The following MFSD6L variants were observed in gnomAD, a reference collection of about 807,000 sequenced individuals.
MFSD6L encodes major facilitator superfamily domain-containing protein 6-like.
In MFSD6L, 9 loss-of-function variants were observed where a neutral mutation model predicts 6.4. The observed-to-expected ratio is 1.42, with a 90% CI of 0.85 to 2.47. The LOEUF (loss-of-function observed/expected upper bound fraction) is 2.47. MFSD6L is among the 30% of genes most tolerant of loss of function. MFSD6L has a pLI of 0.00. For missense variants in MFSD6L, 747 were observed against 730.6 expected, an observed-to-expected ratio of 1.02 and a Z score of -0.26; for synonymous variants, 336 against 322.4, an observed-to-expected ratio of 1.04 and a Z score of -0.45.
At position 8,797,749 on chromosome 17, in the gene MFSD6L, G is replaced by C; in HGVS notation, c.1372C>G (p.Leu458Val). ...YSFLWSWWSV[L>V]PIQILSAISN... is the part of the protein sequence containing the mutation. The stretch of plus-strand genomic sequence containing the variant: ...ATGGCACTCAAGATCTGAATGGGGA[G>C]GACGGACCACCAGCTCCAGAGGAAA... Residue 458 changes from leucine to valine, a missense_variant, in exon 1 of 1, where the codon CTC (leucine) becomes GTC (valine). Leu to Val is a conservative substitution (Grantham distance 32). Coordinates refer to ENST00000329805, the MANE Select transcript of MFSD6L (RefSeq NM_152599.4). The C allele has an allele frequency of 6.2e-7, 1 of 1,614,066 alleles. No homozygotes were observed. The highest frequency in any genetic ancestry group is 8.5e-7 in the Non-Finnish European group (1 of 1,180,040).
chr17:8,797,858 T>C lies in MFSD6L; in HGVS notation c.1263A>G (p.Lys421=), dbSNP rs761930354. ...LLGEILLHPF[K]ATLLRKLSRT... Reference sequence around the variant, plus strand: ...TGGACAGTTTCCTAAGCAATGTAGCTTTGAACGGATGAAGCAGAATTTCCC... The same window carrying C: ...TGGACAGTTTCCTAAGCAATGTAGCCTTGAACGGATGAAGCAGAATTTCCC... Residue 421 remains lysine (K), a synonymous_variant, in exon 1 of 1, where the codon AAA becomes AAG. Coordinates refer to ENST00000329805, the MANE Select transcript of MFSD6L (RefSeq NM_152599.4). 1.2e-6 allele frequency: 2 copies of C among 1,613,866 alleles called. No individual in the cohort carries two copies. The highest frequency in any genetic ancestry group is 1.1e-5 in the South Asian group (1 of 91,062).
Position 8,798,108 on chromosome 17 carries a change from C to G in MFSD6L, c.1013G>C (p.Ser338Thr). The G allele has an allele frequency of 1.2e-6, 2 of 1,614,060 alleles. No individual in the cohort carries two copies. The highest frequency in any genetic ancestry group is 1.7e-6 in the Non-Finnish European group (2 of 1,180,018). The change falls in exon 1 of 1, where the codon AGC becomes ACC. Residue 338 changes from serine (S) to threonine (T), a missense_variant. Ser to Thr is a moderately conservative substitution (Grantham distance 58). Transcript: ENST00000329805. ...ACAGATGGGAATGGGAAAGGCAATGCTCACCAGTAAGGCCAGGGTGCTGAC... is the reference window on the plus strand; with the variant it reads ...ACAGATGGGAATGGGAAAGGCAATGGTCACCAGTAAGGCCAGGGTGCTGAC... The part of the protein sequence containing the change: ...SVVSTLALLV[S>T]IAFPIPICQQ...
Position 8,797,278 on chromosome 17 carries a change from G to T in MFSD6L, c.*82C>A. On this transcript the variant is annotated 3_prime_UTR_variant, in exon 1 of 1. Transcript: ENST00000329805. The stretch of plus-strand genomic sequence containing the variant: ...CCCCGGCTCCCAGCAGTCCAGGGCA[G>T]GTTTCTGTCCTCAGCAGGCTGAGTT... 1 of 1,387,630 alleles carries T rather than the reference G, an allele frequency of 7.2e-7. No individual in the cohort carries two copies. The highest frequency in any genetic ancestry group is 1.5e-5 in the South Asian group (1 of 67,976). The allele number at this position is 1,387,630 out of a possible 1,614,324, so 86.0% of individuals were successfully genotyped here.
At position 8,798,928 on chromosome 17, in the gene MFSD6L, C is replaced by G. The variant is rs2151155706; in HGVS notation, c.193G>C (p.Val65Leu). 1 of 1,613,824 alleles carries G rather than the reference C, an allele frequency of 6.2e-7. No individual in the cohort carries two copies. ...TAGCTTTTGGCCAGGAAGGCACAGACGGGAGCCCAGAAGGCAGCGATTAGG... is the reference window on the plus strand; with the variant it reads ...TAGCTTTTGGCCAGGAAGGCACAGAGGGGAGCCCAGAAGGCAGCGATTAGG... ...KHLIAAFWAP[V>L]CAFLAKSYRK... is the part of the protein sequence containing the mutation. The change falls in exon 1 of 1, where the codon GTC becomes CTC. Residue 65 changes from valine (V) to leucine (L), a missense_variant. Transcript: ENST00000329805.
chr17:8,798,786 C>A lies in MFSD6L; in HGVS notation c.335G>T (p.Ser112Ile). 1 of 1,614,130 alleles carries A rather than the reference C, an allele frequency of 6.2e-7. No individual in the cohort carries two copies. The highest frequency in any genetic ancestry group is 8.5e-7 in the Non-Finnish European group (1 of 1,180,034). Reference sequence around the variant, plus strand: ...TGCGTCTGTGCTGGTCAGGCCGCTGCTTCCATTACAAGGGAAGTGCACCCG... The same window carrying A: ...TGCGTCTGTGCTGGTCAGGCCGCTGATTCCATTACAAGGGAAGTGCACCCG... The part of the protein sequence containing the change: ...KNRVHFPCNG[S>I]SGLTSTDALP... The change falls in exon 1 of 1, where the codon AGC becomes ATC. Residue 112 changes from serine to isoleucine, a missense_variant. Ser to Ile is a moderately radical substitution (Grantham distance 142). Transcript: ENST00000329805.
At position 8,799,147 on chromosome 17, in the gene MFSD6L, C is replaced by A. The variant is rs2087025087; in HGVS notation, c.-27G>T. 5.9e-6 allele frequency: 9 copies of A among 1,515,850 alleles called. No individual in the cohort carries two copies. The South Asian group carries it at 6.6e-5, about 11-fold the overall frequency. 93.9% of individuals were successfully genotyped at this position (1,515,850 alleles called of 1,614,324 possible). A position where few individuals can be genotyped will look rare whatever the true frequency, so the allele number is the denominator to read the frequency against. Reference sequence around the variant, plus strand: ...GCTGCCGGGCTCTGTCAGGCCTGGGCCGACGGAGGGCGGAGCTGGGCGCAG... The same window carrying A: ...GCTGCCGGGCTCTGTCAGGCCTGGGACGACGGAGGGCGGAGCTGGGCGCAG... On this transcript the variant is annotated 5_prime_UTR_variant, in exon 1 of 1. Transcript: ENST00000329805. This position sits in a 1 kb window ranked among gnomAD's most constrained non-coding sequence, Gnocchi z 5.3.
In MFSD6L at chr17:8,799,180, G is replaced by A. The variant is rs1837260475; in HGVS notation, c.-60C>T. ...GGGCGGAGCTGGGCGCAGGGCGGGC[G>A]CGGCCCCAGGTACCCGGGAGGGAGG... On this transcript the variant is annotated 5_prime_UTR_variant, in exon 1 of 1. Coordinates refer to ENST00000329805, the MANE Select transcript of MFSD6L (RefSeq NM_152599.4). The surrounding 1 kb of genome is among the most constrained non-coding windows in gnomAD (Gnocchi z 5.3). 2 of 1,442,618 alleles carry A rather than the reference G, an allele frequency of 1.4e-6. No homozygotes were observed. Among genetic ancestry groups the A allele is most frequent in the Non-Finnish European group, 9.2e-7 (1 of 1,088,478 alleles). 89.4% of individuals were successfully genotyped at this position (1,442,618 alleles called of 1,614,324 possible).
Position 8,797,917 on chromosome 17 carries a change from C to G in MFSD6L, c.1204G>C (p.Val402Leu). 2 of 1,614,038 alleles carry G rather than the reference C, an allele frequency of 1.2e-6. No homozygotes were observed. The highest frequency in any genetic ancestry group is 1.7e-6 in the Non-Finnish European group (2 of 1,180,028). ...CTGAGGGCGACCGAGAAACCCATGA[C>G]CAGCTCGCCGCTCCCATGGTCCTTC... is the stretch of plus-strand genomic sequence containing the variant. ...HMKDHGSGEL[V>L]MGFSVALSLL... is the part of the protein sequence containing the mutation. Residue 402 changes from valine to leucine, a missense_variant, in exon 1 of 1, where the codon GTC becomes CTC. By Grantham distance (32) the Val-to-Leu change is conservative. Coordinates refer to ENST00000329805, the MANE Select transcript of MFSD6L (RefSeq NM_152599.4).
At position 8,798,545 on chromosome 17, in the gene MFSD6L, C is replaced by T. The variant is rs767676206; in HGVS notation, c.576G>A (p.Ser192=). 3 of 1,613,938 alleles carry T rather than the reference C, an allele frequency of 1.9e-6. No individual in the cohort carries two copies. The highest frequency in any genetic ancestry group is 2.5e-6 in the Non-Finnish European group (3 of 1,179,860). ...CTTCCCAGGGATGATCTTTCAGCCC[C>T]GAAGTGACAGGATGGAGGAGAGCTT... The part of the protein sequence containing the change: ...TSQALLHPVT[S]GLKDHPWEVT... Residue 192 remains serine, a synonymous_variant, in exon 1 of 1, where the codon TCG becomes TCA. Transcript: ENST00000329805.
chr17:8,798,525 C>T lies in MFSD6L; in HGVS notation c.596G>A (p.Trp199Ter), dbSNP rs2151155538. 6.2e-7 allele frequency: 1 copy of T among 1,613,478 alleles called. No homozygotes were observed. Among genetic ancestry groups the T allele is most frequent in the Non-Finnish European group, 8.5e-7 (1 of 1,179,558 alleles). ...CTTGACCACCTCAAAAGTAACTTCC[C>T]AGGGATGATCTTTCAGCCCCGAAGT... The part of the protein sequence containing the change: ...PVTSGLKDHP[W>*]EVTFEVVKTA... The change falls in exon 1 of 1, where the codon TGG (tryptophan) becomes TAG (stop). Residue 199 changes from tryptophan to a stop codon, truncating the protein, a stop_gained. Transcript: ENST00000329805. LOFTEE classifies it low-confidence loss of function (END_TRUNC).
In MFSD6L at chr17:8,798,449, A is replaced by C. The variant is rs372349720; in HGVS notation, c.672T>G (p.Asn224Lys). 3 of 1,606,810 alleles carry C rather than the reference A, an allele frequency of 1.9e-6. No individual in the cohort carries two copies. In the African/African-American group the frequency reaches 4.0e-5, roughly 22 times the overall value. ...PGGKGPGNPA[N>K]LSGTKGKAWA... ...AGGCTTTCCCCTTGGTCCCTGACAAATTGGCTGGATTCCCGGGCCCTTTCC... is the reference window on the plus strand; with the variant it reads ...AGGCTTTCCCCTTGGTCCCTGACAACTTGGCTGGATTCCCGGGCCCTTTCC... The change falls in exon 1 of 1, where the codon AAT (asparagine) becomes AAG (lysine). Residue 224 changes from asparagine (N) to lysine (K), a missense_variant. Physicochemically the swap from Asn to Lys is moderately conservative, Grantham distance 94 (BLOSUM62 0). Transcript: ENST00000329805.
At position 8,798,032 on chromosome 17, in the gene MFSD6L, C is replaced by G. The variant is rs749515305; in HGVS notation, c.1089G>C (p.Gly363=). 6.2e-7 allele frequency: 1 copy of G among 1,614,080 alleles called. No individual in the cohort carries two copies. The highest frequency in any genetic ancestry group is 8.5e-7 in the Non-Finnish European group (1 of 1,180,032). ...CGAGGAGAATGAGGTGGGGGTCACC[C>G]CCCACAATGGACAGTGCTTTGACCC... ...YKRVKALSIV[G]GDPHLILLAS... Residue 363 remains glycine, a synonymous_variant, in exon 1 of 1, where the codon GGG becomes GGC. Transcript: ENST00000329805.
rs2087008400 is a variant in MFSD6L, at chr17:8,797,530, G to A, written c.1591C>T (p.Leu531=). 1.2e-6 allele frequency: 2 copies of A among 1,613,910 alleles called. No homozygotes were observed. Among genetic ancestry groups the A allele is most frequent in the Admixed American group, 1.7e-5 (1 of 59,992 alleles). Residue 531 remains leucine (L), a synonymous_variant, in exon 1 of 1, where the codon CTG becomes TTG. Coordinates refer to ENST00000329805, the MANE Select transcript of MFSD6L (RefSeq NM_152599.4). Reference sequence around the variant, plus strand: ...AGGAGCAAGGCCAACCAGAGCAACAGGGCCACACAGCAGGCCTGGTAGAGC... The same window carrying A: ...AGGAGCAAGGCCAACCAGAGCAACAAGGCCACACAGCAGGCCTGGTAGAGC... ...AVLYQACCVA[L]LLWLALLLSI...
rs1489232691 is a variant in MFSD6L, at chr17:8,797,973, C to T, written c.1148G>A (p.Ser383Asn). The T allele has an allele frequency of 3.7e-6, 6 of 1,613,894 alleles. No homozygotes were observed. The highest frequency in any genetic ancestry group is 4.2e-6 in the Non-Finnish European group (5 of 1,180,036). The change falls in exon 1 of 1, where the codon AGT becomes AAT. Residue 383 changes from serine (S) to asparagine (N), a missense_variant. Physicochemically the swap from Ser to Asn is conservative, Grantham distance 46. Coordinates refer to ENST00000329805, the MANE Select transcript of MFSD6L (RefSeq NM_152599.4). ...CCAGAACAGAAAGTTCTGGACAGTA[C>T]TGACGATGGCTCCTACCAAAACAGT... ...STTVLVGAIV[S>N]TVQNFLFWHM...
In MFSD6L at chr17:8,797,658, T is replaced by A; in HGVS notation, c.1463A>T (p.Glu488Val). 6.2e-7 allele frequency: 1 copy of A among 1,613,370 alleles called. No homozygotes were observed. Among genetic ancestry groups the A allele is most frequent in the Non-Finnish European group, 8.5e-7 (1 of 1,179,982 alleles). ...TCGGAACAAGGCACTCAGAGCCCTC[T>A]CCATGCGGGGAGTGGCCAGGTCCTC... Reference protein sequence around the residue: ...SVEDLATPRMERALSALFRGH... With the variant: ...SVEDLATPRMVRALSALFRGH... The change falls in exon 1 of 1, where the codon GAG becomes GTG. Residue 488 changes from glutamate to valine, a missense_variant. By Grantham distance (121) the Glu-to-Val change is moderately radical. Transcript: ENST00000329805.
Position 8,797,463 on chromosome 17 carries a change from T to C in MFSD6L, c.1658A>G (p.Tyr553Cys), listed in dbSNP as rs1448807946. Residue 553 changes from tyrosine (Y) to cysteine (C), a missense_variant, in exon 1 of 1, where the codon TAC becomes TGC. Coordinates refer to ENST00000329805, the MANE Select transcript of MFSD6L (RefSeq NM_152599.4). ...CACCTCCATGGACAGCAGCTTCGAGTACTTGATTTTCCGCTCTCGGGGCAG... is the reference window on the plus strand; with the variant it reads ...CACCTCCATGGACAGCAGCTTCGAGCACTTGATTTTCCGCTCTCGGGGCAG... The part of the protein sequence containing the change: ...RRLPRERKIK[Y>C]SKLLSMEVSD... The C allele has an allele frequency of 1.9e-6, 3 of 1,613,796 alleles. No individual in the cohort carries two copies. Among genetic ancestry groups the C allele is most frequent in the Non-Finnish European group, 2.5e-6 (3 of 1,179,926 alleles).
At position 8,799,099 on chromosome 17, in the gene MFSD6L, C is replaced by G. The variant is rs1307668594; in HGVS notation, c.22G>C (p.Asp8His). 6.4e-7 allele frequency: 1 copy of G among 1,572,148 alleles called. No homozygotes were observed. The highest frequency in any genetic ancestry group is 1.8e-5 in the Admixed American group (1 of 55,200). Residue 8 changes from aspartate (D) to histidine (H), a missense_variant, in exon 1 of 1, where the codon GAC (aspartate) becomes CAC (histidine). Asp to His is a moderately conservative substitution (Grantham distance 81). Transcript: ENST00000329805. The surrounding 1 kb of genome is among the most constrained non-coding windows in gnomAD (Gnocchi z 5.3). MSANPRW[D>H]ISRALGVAKL... ...GCCACCCCCAGCGCCCTGCTGATGT[C>G]CCACCGGGGGTTGGCACTCATGGCT...
rs1567554638 is a variant in MFSD6L at position 8,799,089 on chromosome 17, C to T, written c.32G>A (p.Arg11Lys). Residue 11 changes from arginine to lysine, a missense_variant, in exon 1 of 1, where the codon AGG becomes AAG. Coordinates refer to ENST00000329805, the MANE Select transcript of MFSD6L (RefSeq NM_152599.4). The surrounding 1 kb of genome is among the most constrained non-coding windows in gnomAD (Gnocchi z 5.3). MSANPRWDIS[R>K]ALGVAKLFHL... The stretch of plus-strand genomic sequence containing the variant: ...GAAGAGCTTGGCCACCCCCAGCGCC[C>T]TGCTGATGTCCCACCGGGGGTTGGC... 3.8e-6 allele frequency: 6 copies of T among 1,580,780 alleles called. No homozygotes were observed. Among genetic ancestry groups the T allele is most frequent in the Non-Finnish European group, 5.2e-6 (6 of 1,163,266 alleles).
Position 8,798,326 on chromosome 17 carries a change from C to T in MFSD6L, c.795G>A (p.Gln265=). The change falls in exon 1 of 1, where the codon CAG becomes CAA. Residue 265 remains glutamine (Q), a synonymous_variant. Transcript: ENST00000329805. ...ACTCATAAAGGCTGTCATCTGCCACCTGCTCCAGAGGCGCTGTCAGCAGCT... is the reference window on the plus strand; with the variant it reads ...ACTCATAAAGGCTGTCATCTGCCACTTGCTCCAGAGGCGCTGTCAGCAGCT... ...FWELLTAPLE[Q]VADDSLYEFL... The T allele has an allele frequency of 6.2e-7, 1 of 1,609,550 alleles. No individual in the cohort carries two copies. The highest frequency in any genetic ancestry group is 1.7e-5 in the Admixed American group (1 of 60,026).
Sources: allele counts gnomAD v4.1 joint callset, GRCh38; gene constraint gnomAD v4.1.1; non-coding constraint Gnocchi (gnomAD v3.1); transcripts MANE v1.5; gene names NCBI Gene and HGNC (gene_info 2026-07-23, HGNC 2026-07-21).